The following SLC24A3 variants were observed in gnomAD, a reference collection of about 807,000 sequenced individuals.
The protein encoded by SLC24A3 is solute carrier family 24 member 3.
In SLC24A3, 28 loss-of-function variants were observed where a neutral mutation model predicts 75.8. The observed-to-expected ratio is 0.37, with a 90% confidence interval of 0.27 to 0.51. The LOEUF (loss-of-function observed/expected upper bound fraction) is 0.51. SLC24A3 is among the 20% of genes least tolerant of loss of function. SLC24A3 has a pLI of 0.94. For synonymous variants in SLC24A3, 372 were observed against 334.1 expected, an observed-to-expected ratio of 1.11 and a Z score of -1.24; for missense variants, 663 against 847.8, an observed-to-expected ratio of 0.78 and a Z score of 2.71.
intron 2 of SLC24A3, among the ~76,000 whole-genome samples, chr20:19,409,186 G>C (rs900594287): frequency 6.6e-6 from 1 of 152,158 alleles, no homozygotes; most frequent in African/African-American, 2.4e-5. Context: ...GGCTGGGACT[G>C]AATTACAAGG....
chr20:19,519,276 C>T (rs1349212883), intron 3 of SLC24A3, among the ~76,000 whole-genome samples: 2 of 152,174 alleles, frequency 1.3e-5, no homozygotes, highest in Non-Finnish European at 2.9e-5. Context: ...ATGGTTCTGA[C>T]CCCTTGATAC....
intron 12 of SLC24A3, among the ~76,000 whole-genome samples, chr20:19,693,054 A>AT (rs200196875): frequency 1.1e-4 from 16 of 149,998 alleles, no homozygotes; most frequent in South Asian, 6.4e-4. Context: ...GCAGTGGGTA[A>AT]TTTTTTTTTT....
intron 6 of SLC24A3, among the ~76,000 whole-genome samples, chr20:19,630,310 A>G (rs1247188410): frequency 2.0e-5 from 3 of 152,240 alleles, no homozygotes; most frequent in African/African-American, 7.2e-5. Flanking sequence ...AATAACAGTA[A>G]GTTTGGAGAC....
Position 19,620,909 on chromosome 20 carries a change from G to C in SLC24A3, c.613-33153G>C, listed in dbSNP as rs554263474. The stretch of plus-strand genomic sequence containing the variant: ...TGCAAAGCCCAGACATTTTTCAAGG[G>C]ACCTGAGTTTTCTGCAGAATGAAAA... On this transcript the variant is annotated intron_variant, in intron 6 of 16. Coordinates refer to ENST00000328041, the MANE Select transcript of SLC24A3 (RefSeq NM_020689.4). 1.7e-3 allele frequency among the ~76,000 whole-genome samples: 266 copies of C among 152,220 alleles called. 1 individual carries two copies. Among genetic ancestry groups the C allele is most frequent in the African/African-American group, 6.2e-3 (257 of 41,524 alleles).
At position 19,515,983 on chromosome 20, in the gene SLC24A3, C is replaced by G. The variant is rs140499040; in HGVS notation, c.348+419C>G. Reference sequence around the variant, plus strand: ...TAGTTATTTGCTTTTCAACTTTTCACCCTCACTCACACGTAAGCCCCATGA... The same window carrying G: ...TAGTTATTTGCTTTTCAACTTTTCAGCCTCACTCACACGTAAGCCCCATGA... On this transcript the variant is annotated intron_variant, in intron 3 of 16. Coordinates refer to ENST00000328041, the MANE Select transcript of SLC24A3 (RefSeq NM_020689.4). Among the ~76,000 whole-genome samples, 524 of 152,312 alleles carry G rather than the reference C, an allele frequency of 3.4e-3. 6 individuals are homozygous for G. The highest frequency in any genetic ancestry group is 0.012 in the African/African-American group (495 of 41,558).
chr20:19,533,611 G>A (rs1455643877), intron 3 of SLC24A3, among the ~76,000 whole-genome samples: 1 of 152,204 alleles, frequency 6.6e-6, no homozygotes. Context: ...AAGCACCTGT[G>A]CTTATAAATA....
intron 2 of SLC24A3, among the ~76,000 whole-genome samples, chr20:19,479,345 A>G (rs887144552): frequency 6.6e-6 from 1 of 152,154 alleles, no homozygotes; most frequent in African/African-American, 2.4e-5. Context: ...ATTGCTCCAT[A>G]TCTGTATTTA....
intron 14 of SLC24A3, 90 bp downstream of exon 14, chr20:19,697,001 AGGAGGGAGAAGAGAAAG>A (rs376002905): frequency 0.15 from 56,242 of 365,994 alleles, 6,849 homozygotes; most frequent in African/African-American, 0.24. Flanking sequence ...GAAGGAAGGC[AGGAGGGAGAAGAGAAAG>A]GGAGGGAGAA....
At chr20:19,441,464 C>T (rs1407745833) in intron 2 of SLC24A3, among the ~76,000 whole-genome samples, 1 of 152,070 alleles carries the variant, frequency 6.6e-6, no homozygotes, top group Non-Finnish European at 1.5e-5. Context: ...TCTTAGACCT[C>T]CAGGGAACAG....
At chr20:19,639,032 G>C (rs756452196) in intron 6 of SLC24A3, among the ~76,000 whole-genome samples, 2 of 152,096 alleles carry the variant, frequency 1.3e-5, no homozygotes, top group African/African-American at 4.8e-5. Context: ...TGCTGGCTCC[G>C]GCAGCCTGCT....
chr20:19,711,852 A>G (rs1215922649), intron 15 of SLC24A3, among the ~76,000 whole-genome samples: 1 of 152,088 alleles, frequency 6.6e-6, no homozygotes, highest in East Asian at 1.9e-4. Flanking sequence ...GTTGGCCAGG[A>G]TGGTCTTGAT....
intron 2 of SLC24A3, among the ~76,000 whole-genome samples, chr20:19,303,342 G>T (rs888625277): frequency 3.3e-5 from 5 of 152,130 alleles, no homozygotes; most frequent in Admixed American, 6.5e-5. Context: ...ACATGCTCTC[G>T]TTCTTTTCTT....
At chr20:19,674,747 G>A (rs1298839830) in intron 9 of SLC24A3, among the ~76,000 whole-genome samples, 2 of 152,130 alleles carry the variant, frequency 1.3e-5, no homozygotes, top group African/African-American at 4.8e-5. Flanking sequence ...CTGGAGTTGG[G>A]GTAGCTTATT....
intron 1 of SLC24A3, among the ~76,000 whole-genome samples, chr20:19,237,939 T>C (rs970941890): frequency 6.6e-6 from 1 of 152,200 alleles, no homozygotes; most frequent in Non-Finnish European, 1.5e-5. Context: ...TCCTGCTGCC[T>C]TTTCTATTTT....
At chr20:19,398,100 C>T (rs567595405) in intron 2 of SLC24A3, among the ~76,000 whole-genome samples, 2 of 152,250 alleles carry the variant, frequency 1.3e-5, no homozygotes, top group African/African-American at 4.8e-5. Context: ...AGCCTTCTCT[C>T]TTCTATTGGT....
At chr20:19,464,671 A>G (rs76680170) in intron 2 of SLC24A3, among the ~76,000 whole-genome samples, 3,099 of 152,362 alleles carry the variant, frequency 0.02, 99 homozygotes, top group African/African-American at 0.071. Flanking sequence ...CACAGTCTAC[A>G]TACAGAGTAC....
intron 4 of SLC24A3, among the ~76,000 whole-genome samples, chr20:19,580,508 A>G (rs2031204443): frequency 6.6e-6 from 1 of 152,076 alleles, no homozygotes; most frequent in African/African-American, 2.4e-5. Flanking sequence ...TACCTCTGCC[A>G]TGCTTCCTCT....
chr20:19,362,678 T>C (rs1284949955), intron 2 of SLC24A3, among the ~76,000 whole-genome samples: 1 of 152,160 alleles, frequency 6.6e-6, no homozygotes, highest in African/African-American at 2.4e-5. Context: ...CATGTGGGTC[T>C]CCCAAAGTAG....
intron 2 of SLC24A3, among the ~76,000 whole-genome samples, chr20:19,444,957 A>C (rs973072588): frequency 1.3e-5 from 2 of 151,892 alleles, no homozygotes; most frequent in Admixed American, 6.6e-5. Context: ...TTTTTCTGAT[A>C]CGTGCATTCA....
Sources: allele counts gnomAD v4.1 joint callset (sites outside exome capture counted in the v4.1 genomes callset), GRCh38; gene constraint gnomAD v4.1.1; transcripts MANE v1.5; gene names NCBI Gene and HGNC (gene_info 2026-07-23, HGNC 2026-07-21).